The following KCNIP4 variants were observed in gnomAD, a reference collection of about 807,000 sequenced individuals.
KCNIP4 encodes the protein Kv channel-interacting protein 4.
In KCNIP4, 12 loss-of-function variants were observed where a neutral mutation model predicts 34.0. That is an observed-to-expected ratio of 0.35 (90% CI 0.23 to 0.57). The LOEUF is 0.57. Ranked by LOEUF, KCNIP4 falls within the 20% of genes least tolerant of loss-of-function variation. KCNIP4 has a pLI of 0.83. For synonymous variants in KCNIP4, 124 were observed against 102.2 expected, an observed-to-expected ratio of 1.21 and a Z score of -1.29; for missense variants, 238 against 311.7, an observed-to-expected ratio of 0.76 and a Z score of 1.78.
chr4:20,732,655 C>T (rs1748612599), intron 7 of KCNIP4, 26 bp downstream of exon 7: 3 of 1,470,246 alleles, frequency 2.0e-6, no homozygotes, highest in Non-Finnish European at 2.9e-6. Flanking sequence ...ACTTCATGCC[C>T]TCTTGACTTC....
intron 1 of KCNIP4, among the ~76,000 whole-genome samples, chr4:20,990,465 G>A (rs575238536): frequency 3.7e-4 from 56 of 152,138 alleles, no homozygotes; most frequent in Non-Finnish European, 6.8e-4. Flanking sequence ...AATCCACAAG[G>A]TCGATTGGAT....
intron 1 of KCNIP4, among the ~76,000 whole-genome samples, chr4:21,683,907 T>C (rs781618706): frequency 1.3e-5 from 2 of 152,114 alleles, no homozygotes; most frequent in Non-Finnish European, 2.9e-5. Context: ...TTCTCACTTC[T>C]AAGTGGGAGC....
intron 1 of KCNIP4, among the ~76,000 whole-genome samples, chr4:21,924,215 A>G (rs1729102061): frequency 1.3e-5 from 2 of 151,594 alleles, no homozygotes; most frequent in South Asian, 4.2e-4. Context: ...GTACATAAGG[A>G]GGACAATTTC....
intron 5 of KCNIP4, among the ~76,000 whole-genome samples, chr4:20,739,219 A>G (rs1265105774): frequency 6.6e-6 from 1 of 152,224 alleles, no homozygotes; most frequent in African/African-American, 2.4e-5. Flanking sequence ...CCTGTCTGAC[A>G]GCTTTGAAGA....
intron 3 of KCNIP4, among the ~76,000 whole-genome samples, chr4:20,843,667 T>C (rs1315146613): frequency 6.6e-6 from 1 of 151,988 alleles, no homozygotes. Context: ...GAGGTGGAGT[T>C]TTCAGTGAGT....
In KCNIP4 at chr4:21,519,639, TGTGTGTGTATGTATGTGTATATATACAC is replaced by T. The variant is rs1560480451; in HGVS notation, c.61+428904_61+428931del. Among the ~76,000 whole-genome samples, 133 of 118,100 alleles carry T rather than the reference TGTGTGTGTATGTATGTGTATATATACAC, an allele frequency of 1.1e-3. 4 individuals are homozygous for T. The highest frequency in any genetic ancestry group is 1.4e-3 in the East Asian group (5 of 3,660). The allele number at this position is 118,100 out of a possible 152,430, so 77.5% of individuals were successfully genotyped here. A position where few individuals can be genotyped will look rare whatever the true frequency, so the allele number is the denominator to read the frequency against. On this transcript the variant is annotated intron_variant, in intron 1 of 8. Transcript: ENST00000382152. ...GTGTATGTATGTGTATATACACAAA[TGTGTGTGTATGTATGTGTATATATACAC>T]GTGTGTGTATGTATGTGTATATACA...
At chr4:21,724,031 G>A (rs1457544096) in intron 1 of KCNIP4, among the ~76,000 whole-genome samples, 1 of 151,398 alleles carries the variant, frequency 6.6e-6, no homozygotes, top group Admixed American at 6.6e-5. Flanking sequence ...CAGGATGGGA[G>A]AATGCCATAT....
intron 2 of KCNIP4, among the ~76,000 whole-genome samples, chr4:20,851,049 C>T (rs181629341): frequency 4.6e-5 from 7 of 152,182 alleles, no homozygotes; most frequent in African/African-American, 1.4e-4. Context: ...TTTTCCCCAA[C>T]GTTTAAGTTC....
chr4:20,875,757 TTAATGGGCAAC>T (rs1298853406), intron 2 of KCNIP4, among the ~76,000 whole-genome samples: 10 of 152,178 alleles, frequency 6.6e-5, no homozygotes, highest in Admixed American at 6.5e-4. Context: ...TGTTGTATTT[TTAATGGGCAAC>T]ATGTTGGCCA....
At chr4:21,563,556 G>A (rs1577601765) in intron 1 of KCNIP4, among the ~76,000 whole-genome samples, 1 of 152,194 alleles carries the variant, frequency 6.6e-6, no homozygotes, top group South Asian at 2.1e-4. Flanking sequence ...TAATGAATGG[G>A]TGCTCTGTTC....
At chr4:21,828,828 G>A (rs562547522) in intron 1 of KCNIP4, among the ~76,000 whole-genome samples, 3 of 151,830 alleles carry the variant, frequency 2.0e-5, no homozygotes, top group Non-Finnish European at 4.4e-5. Flanking sequence ...AGTTTACCAC[G>A]AACACACACT....
intron 1 of KCNIP4, among the ~76,000 whole-genome samples, chr4:21,400,296 C>T (rs766501348): frequency 7.2e-5 from 11 of 151,836 alleles, no homozygotes; most frequent in Non-Finnish European, 1.0e-4. Context: ...GCAAAGACAA[C>T]AAGATAACTG....
Position 21,826,116 on chromosome 4 carries a change from G to A in KCNIP4, c.61+122455C>T, listed in dbSNP as rs1722664573. Among the ~76,000 whole-genome samples the A allele has an allele frequency of 3.3e-5, 5 of 152,146 alleles. No individual in the cohort carries two copies. The South Asian group carries it at 1.0e-3, about 31-fold the overall frequency. On this transcript the variant is annotated intron_variant, in intron 1 of 8. Transcript: ENST00000382152. ...CAAAAAAGAAGTGCTAAGGGATAAG[G>A]TTAGAAAGGTGCACAGTGGGCAGAG...
chr4:21,610,480 T>C (rs1294865952), intron 1 of KCNIP4, among the ~76,000 whole-genome samples: 1 of 152,200 alleles, frequency 6.6e-6, no homozygotes, highest in Non-Finnish European at 1.5e-5. Flanking sequence ...TAAACAAATA[T>C]AGTTTCATTT....
chr4:20,842,159 T>C (rs555663675), intron 3 of KCNIP4, among the ~76,000 whole-genome samples: 1 of 152,300 alleles, frequency 6.6e-6, no homozygotes, highest in East Asian at 1.9e-4. Context: ...TTTGTCAGTG[T>C]ATCCTAAATA....
chr4:21,711,437 G>A (rs75019536), intron 1 of KCNIP4, among the ~76,000 whole-genome samples: 2,647 of 151,992 alleles, frequency 0.017, 77 homozygotes, highest in African/African-American at 0.052. Context: ...AACCAAGATC[G>A]CGCCACTGCA....
chr4:21,936,921 T>C (rs978160077), intron 1 of KCNIP4, among the ~76,000 whole-genome samples: 1 of 152,086 alleles, frequency 6.6e-6, no homozygotes, highest in Non-Finnish European at 1.5e-5. Flanking sequence ...TTCCCTGGTT[T>C]CACCTCTATC....
rs115299639 is a variant in KCNIP4 at position 21,168,706 on chromosome 4, G to A, written c.62-285997C>T. Among the ~76,000 whole-genome samples, 407 of 152,226 alleles carry A rather than the reference G, an allele frequency of 2.7e-3. 3 individuals carry two copies. Among genetic ancestry groups the A allele is most frequent in the Middle Eastern group, 0.01 (3 of 292 alleles). Reference sequence around the variant, plus strand: ...TATGCTCACACAGAAACTTATATTTGTAAATCTTATATCTCAAGGCCACAT... The same window carrying A: ...TATGCTCACACAGAAACTTATATTTATAAATCTTATATCTCAAGGCCACAT... On this transcript the variant is annotated intron_variant, in intron 1 of 8. Coordinates refer to ENST00000382152, the MANE Select transcript of KCNIP4 (RefSeq NM_025221.6).
chr4:21,720,267 C>T (rs1208715715), intron 1 of KCNIP4, among the ~76,000 whole-genome samples: 1 of 151,634 alleles, frequency 6.6e-6, no homozygotes, highest in Non-Finnish European at 1.5e-5. Flanking sequence ...AAGTACAGTA[C>T]ATATTTCTCC....
Sources: gnomAD v4.1 joint callset for allele counts (sites outside exome capture counted in the v4.1 genomes callset) on GRCh38, gnomAD v4.1.1 for gene constraint, MANE v1.5 for transcripts, NCBI Gene and HGNC (gene_info 2026-07-23, HGNC 2026-07-21) for gene names.